TADA2A: variants seen among roughly 807,000 people sequenced by gnomAD.
TADA2A encodes the protein transcriptional adapter 2-alpha.
TADA2A carries 38 observed loss-of-function variants against 67.4 expected under a neutral mutation model. The observed-to-expected ratio is 0.56, with a 90% CI of 0.44 to 0.74. TADA2A has a LOEUF of 0.74. Ranked by LOEUF, TADA2A falls within the 30% of genes least tolerant of loss-of-function variation. TADA2A has a pLI of 0.00. For missense variants in TADA2A, 454 were observed against 547.0 expected, an observed-to-expected ratio of 0.83 and a Z score of 1.70; for synonymous variants, 192 against 181.6, an observed-to-expected ratio of 1.06 and a Z score of -0.46.
At chr17:37,457,551 G>A (rs1285678711) in intron 8 of TADA2A, among the ~76,000 whole-genome samples, 1 of 134,558 alleles carries the variant, frequency 7.4e-6, no homozygotes, top group Admixed American at 8.3e-5. Context: ...AGGCTGGAGT[G>A]TAGTGGCATG....
intron 4 of TADA2A, among the ~76,000 whole-genome samples, chr17:37,434,905 T>A (rs962235343): frequency 1.3e-5 from 2 of 152,248 alleles, no homozygotes; most frequent in African/African-American, 4.8e-5. Flanking sequence ...CAGGAGTCTC[T>A]GGAAGTTGAC....
intron 4 of TADA2A, among the ~76,000 whole-genome samples, chr17:37,432,862 G>A (rs375382937): frequency 1.6e-3 from 236 of 149,546 alleles, no homozygotes; most frequent in African/African-American, 5.6e-3. Context: ...CCAACATTTG[G>A]CATTGTCAGT....
At chr17:37,471,246 A>AC in intron 14 of TADA2A, 109 bp downstream of exon 14, 1 of 1,113,842 alleles carries the variant, frequency 9.0e-7, no homozygotes, top group South Asian at 1.3e-5. Flanking sequence ...GCTTAGGCAG[A>AC]GTAACAGTAA....
chr17:37,410,213 CTT>C (rs924234827), intron 1 of TADA2A, among the ~76,000 whole-genome samples: 3 of 151,984 alleles, frequency 2.0e-5, no homozygotes, highest in Non-Finnish European at 4.4e-5. Context: ...GAAAAAGAGA[CTT>C]AGTCTGTCCT....
At chr17:37,470,196 G>C (rs2522968) in intron 12 of TADA2A, among the ~76,000 whole-genome samples, 2 of 151,922 alleles carry the variant, frequency 1.3e-5, no homozygotes, top group African/African-American at 4.8e-5. Context: ...GAATACAAAT[G>C]TTTAATATTT....
At chr17:37,468,326 C>CTAAA (rs2053711957) in intron 12 of TADA2A, among the ~76,000 whole-genome samples, 1 of 152,038 alleles carries the variant, frequency 6.6e-6, no homozygotes, top group Non-Finnish European at 1.5e-5. Context: ...TCATGACAAA[C>CTAAA]TTATAAAGTA....
rs139923512 is a variant in TADA2A at position 37,449,500 on chromosome 17, C to T, written c.604+4732C>T. ...TTATCCTCATTTTTGTGGATGAGGACATTGAAGCATAGAAAGGTTAGATAA... is the reference window on the plus strand; with the variant it reads ...TTATCCTCATTTTTGTGGATGAGGATATTGAAGCATAGAAAGGTTAGATAA... On this transcript the variant is annotated intron_variant, in intron 8 of 15. Coordinates refer to ENST00000615182, the MANE Select transcript of TADA2A (RefSeq NM_001166105.3). 3.9e-5 allele frequency among the ~76,000 whole-genome samples: 6 copies of T among 152,176 alleles called. No homozygotes were observed. The East Asian group carries it at 9.6e-4, about 24-fold the overall frequency.
rs9912993 is a variant in TADA2A at position 37,471,276 on chromosome 17, A to G, written c.1072+139A>G. ...CAGTAATCAAGTGTTAGCCCAATAT[A>G]TAAACATCAGTATGTTTTCAGAACC... On this transcript the variant is annotated intron_variant, in intron 14 of 15. Transcript: ENST00000615182. 1,718 of 803,858 alleles carry G rather than the reference A, an allele frequency of 2.1e-3. 25 individuals are homozygous for G. In the African/African-American group the frequency reaches 0.026, roughly 12 times the overall value. The allele number at this position is 803,858 out of a possible 1,614,324, so 49.8% of individuals were successfully genotyped here. A position where few individuals can be genotyped will look rare whatever the true frequency, so the allele number is the denominator to read the frequency against.
At chr17:37,436,262 A>G (rs2052723399) in intron 4 of TADA2A, 1 of 152,244 alleles carries the variant, frequency 6.6e-6, no homozygotes. Context: ...TAAGTGTTTC[A>G]AAATCACTTG....
At chr17:37,458,151 C>T (rs982694712) in intron 8 of TADA2A, among the ~76,000 whole-genome samples, 1 of 152,152 alleles carries the variant, frequency 6.6e-6, no homozygotes, top group African/African-American at 2.4e-5. Context: ...TCATTTAGCT[C>T]CCGCTTATAA....
intron 11 of TADA2A, among the ~76,000 whole-genome samples, chr17:37,467,184 A>T (rs112997762): frequency 1.1e-4 from 16 of 152,162 alleles, no homozygotes; most frequent in Non-Finnish European, 2.2e-4. Context: ...TTACTTTTGT[A>T]GACAAATGAA....
intron 2 of TADA2A, among the ~76,000 whole-genome samples, chr17:37,418,209 A>G (rs561173649): frequency 6.6e-6 from 1 of 152,340 alleles, no homozygotes; most frequent in African/African-American, 2.4e-5. Context: ...TATATATAAC[A>G]TGGAATTAGC....
intron 2 of TADA2A, among the ~76,000 whole-genome samples, chr17:37,414,547 A>C (rs1397543727): frequency 6.6e-6 from 1 of 152,164 alleles, no homozygotes; most frequent in African/African-American, 2.4e-5. Flanking sequence ...CTTTTGGCTG[A>C]CAGAACTAGG....
intron 10 of TADA2A, among the ~76,000 whole-genome samples, chr17:37,464,941 G>A (rs537494803): frequency 6.6e-6 from 1 of 151,784 alleles, no homozygotes; most frequent in African/African-American, 2.4e-5. Context: ...GAGGTCAAGA[G>A]TTCAAGACCA....
rs540367260 is a variant in TADA2A, at chr17:37,411,301, G to A, written c.-65G>A. ...TCAAGCTTTGGTGTATGTGTTGGCC[G>A]GTTCTGAAGTCTTGAAGAAGCTCTG... On this transcript the variant is annotated 5_prime_UTR_variant, in exon 2 of 16. Transcript: ENST00000615182. 23 of 1,537,188 alleles carry A rather than the reference G, an allele frequency of 1.5e-5. No individual in the cohort carries two copies. The highest frequency in any genetic ancestry group is 1.0e-4 in the Admixed American group (6 of 59,630).
intron 4 of TADA2A, 89 bp from the exon 5 acceptor site, chr17:37,437,649 A>G (rs746433899): frequency 5.2e-5 from 60 of 1,163,920 alleles, no homozygotes; most frequent in Admixed American, 1.6e-4. Flanking sequence ...CGCCTTCCAA[A>G]GTGCTGGGAG....
intron 1 of TADA2A, 24 bp from the exon 2 acceptor site, chr17:37,411,245 T>C: frequency 1.2e-6 from 1 of 840,800 alleles, no homozygotes; most frequent in East Asian, 2.4e-5. Context: ...TTCTGATCCA[T>C]GTGCCACTTT....
chr17:37,473,412 C>G (rs1350652957), intron 14 of TADA2A, among the ~76,000 whole-genome samples: 1 of 152,056 alleles, frequency 6.6e-6, no homozygotes, highest in Non-Finnish European at 1.5e-5. Context: ...TGATTGTAGC[C>G]TAGCCTCTGG....
chr17:37,423,811 G>A (rs530394382), intron 3 of TADA2A, among the ~76,000 whole-genome samples, 196 bp downstream of exon 3: 53 of 146,416 alleles, frequency 3.6e-4, no homozygotes, highest in Non-Finnish European at 6.8e-4. Flanking sequence ...GTACAGTGGT[G>A]TCATCTCTGC....
Sources: allele counts gnomAD v4.1 joint callset (sites outside exome capture counted in the v4.1 genomes callset), GRCh38; gene constraint gnomAD v4.1.1; transcripts MANE v1.5; gene names NCBI Gene and HGNC (gene_info 2026-07-23, HGNC 2026-07-21).